HUWE1: variants seen among roughly 807,000 people sequenced by gnomAD.
The protein encoded by HUWE1 is HECT, UBA and WWE domain containing E3 ubiquitin protein ligase 1.
HUWE1 carries 18 observed loss-of-function variants against 299.4 expected under a neutral mutation model. That is an observed-to-expected ratio of 0.06 (90% confidence interval 0.04 to 0.09). The LOEUF (loss-of-function observed/expected upper bound fraction) is 0.09. HUWE1 is among the 10% of genes least tolerant of loss of function. The pLI is 1.00. For synonymous variants in HUWE1, 1,317 were observed against 1,286.1 expected (o/e 1.02, Z -0.51); for missense variants, 1,832 against 3,462.3 (o/e 0.53, Z 11.82).
chrX:53,649,007 G>A (rs2068277061), intron 4 of HUWE1, among the ~76,000 whole-genome samples: 1 of 112,010 alleles, frequency 8.9e-6, no homozygotes, highest in South Asian at 3.7e-4. Context: ...GGGGCTGGGA[G>A]AGAGAAGCCT....
At chrX:53,684,415 G>T (rs1259127386) in intron 2 of HUWE1, among the ~76,000 whole-genome samples, 1 of 112,177 alleles carries the variant, frequency 8.9e-6, no homozygotes, top group South Asian at 3.7e-4. Context: ...CGCCTACCAC[G>T]AGGTTTCCGA....
intron 55 of HUWE1, 134 bp downstream of exon 55, chrX:53,561,622 C>A: frequency 1.1e-6 from 1 of 907,495 alleles, no homozygotes; most frequent in South Asian, 2.2e-5. Flanking sequence ...ATTCAGATAT[C>A]CCTTGCCCCA....
At chrX:53,547,558 C>T in intron 68 of HUWE1, 115 bp downstream of exon 68, 1 of 1,100,209 alleles carries the variant, frequency 9.1e-7, no homozygotes, top group African/African-American at 1.8e-5. Context: ...TCTGTTCTCA[C>T]AAACACAAAC....
In HUWE1 at chrX:53,627,730, T is replaced by C; in HGVS notation, c.1383+9A>G. The C allele has an allele frequency of 8.4e-7, 1 of 1,189,332 alleles. No homozygotes were observed. The highest frequency in any genetic ancestry group is 1.1e-6 in the Non-Finnish European group (1 of 875,532). On this transcript the variant is annotated intron_variant, in intron 16 of 83. Coordinates refer to ENST00000262854, the MANE Select transcript of HUWE1 (RefSeq NM_031407.7). ...AATTCTGTGCAAAGCATTCCTTGTATAATAATACCTCAAGTCTATAAATGA... is the reference window on the plus strand; with the variant it reads ...AATTCTGTGCAAAGCATTCCTTGTACAATAATACCTCAAGTCTATAAATGA...
intron 46 of HUWE1, among the ~76,000 whole-genome samples, chrX:53,574,765 T>C (rs782187567): frequency 5.3e-5 from 6 of 112,161 alleles, no homozygotes; most frequent in Non-Finnish European, 9.4e-5. Flanking sequence ...TTCTAGTTCA[T>C]GGTGAGTAGT....
chrX:53,625,858 C>CGGGGCCGGGGCA (rs1791889093), intron 17 of HUWE1: 1 of 190,956 alleles, frequency 5.2e-6, no homozygotes, highest in African/African-American at 3.1e-5. Context: ...GGGCCAGGGC[C>CGGGGCCGGGGCA]GGGGCCGGGG....
intron 57 of HUWE1, 117 bp downstream of exon 57, chrX:53,559,237 G>A: frequency 1.1e-6 from 1 of 882,409 alleles, no homozygotes; most frequent in Non-Finnish European, 1.7e-6. Flanking sequence ...TCACTGAGTG[G>A]TTCTGGCTCC....
In HUWE1 at chrX:53,588,367, A is replaced by T; in HGVS notation, c.4614+15T>A. 1.7e-6 allele frequency: 2 copies of T among 1,204,623 alleles called. No individual in the cohort carries two copies. Among genetic ancestry groups the T allele is most frequent in the Non-Finnish European group, 2.2e-6 (2 of 891,072 alleles). ...TCATGAATGAATTACAAGGCCCCAA[A>T]GATCTAAATCTTACCTCAAAAAGTA... On this transcript the variant is annotated intron_variant, in intron 37 of 83. Coordinates refer to ENST00000262854, the MANE Select transcript of HUWE1 (RefSeq NM_031407.7).
In HUWE1 at chrX:53,552,888, G is replaced by A; in HGVS notation, c.8500C>T (p.Leu2834Phe). ...ELSPAPTITS[L>F]SPERAEDSDA... is the part of the protein sequence containing the mutation. ...GAATCCTCAGCTCTCTCTGGGGAAA[G>A]TGAGGCTAGGAAGAAGTTGCAGGGA... is the stretch of plus-strand genomic sequence containing the variant. The change falls in exon 62 of 84, where the codon CTT becomes TTT. Residue 2834 changes from leucine to phenylalanine, a missense_variant. By Grantham distance (22) the Leu-to-Phe change is conservative. Transcript: ENST00000262854. 1 of 1,211,679 alleles carries A rather than the reference G, an allele frequency of 8.3e-7. No individual in the cohort carries two copies. Among genetic ancestry groups the A allele is most frequent in the East Asian group, 3.0e-5 (1 of 33,839 alleles).
In HUWE1 at chrX:53,591,090, T is replaced by C. The variant is rs1260894917; in HGVS notation, c.4005A>G (p.Ala1335=). 3 of 1,208,684 alleles carry C rather than the reference T, an allele frequency of 2.5e-6. No homozygotes were observed. The highest frequency in any genetic ancestry group is 3.4e-6 in the Non-Finnish European group (3 of 894,545). The change falls in exon 34 of 84, where the codon GCA becomes GCG. Residue 1335 remains alanine, a synonymous_variant. Coordinates refer to ENST00000262854, the MANE Select transcript of HUWE1 (RefSeq NM_031407.7). Reference sequence around the variant, plus strand: ...TGCTGGTGTTCAACAGTGCCTCCATTGCATGTTCCCTTGTGAAGCCCATGT... The same window carrying C: ...TGCTGGTGTTCAACAGTGCCTCCATCGCATGTTCCCTTGTGAAGCCCATGT... ...LMDMGFTREH[A]MEALLNTSTM...
At chrX:53,647,697 C>T (rs2068148918) in intron 5 of HUWE1, 123 bp from the exon 6 acceptor site, 4 of 564,308 alleles carry the variant, frequency 7.1e-6, no homozygotes, top group Admixed American at 2.4e-5. Flanking sequence ...ACGTCCCACC[C>T]TTGCCCATAT....
chrX:53,655,063 T>C (rs1204382664), intron 3 of HUWE1, among the ~76,000 whole-genome samples: 1 of 111,595 alleles, frequency 9.0e-6, no homozygotes, highest in Non-Finnish European at 1.9e-5. Context: ...GTATAATCCC[T>C]AGATCTTTGA....
chrX:53,584,380 C>T (rs782133604), intron 40 of HUWE1, 35 bp from the exon 41 acceptor site: 12 of 1,142,828 alleles, frequency 1.1e-5, no homozygotes, highest in Non-Finnish European at 1.4e-5. Flanking sequence ...AAAACCTCTA[C>T]CAAAAATGAA....
intron 4 of HUWE1, 150 bp from the exon 5 acceptor site, chrX:53,648,460 T>A: frequency 4.4e-6 from 2 of 449,632 alleles, no homozygotes; most frequent in Non-Finnish European, 7.9e-6. Flanking sequence ...AGACAATCTC[T>A]TGGGATTAAA....
intron 12 of HUWE1, among the ~76,000 whole-genome samples, chrX:53,630,586 T>C (rs1344954051): frequency 3.7e-5 from 4 of 108,926 alleles, no homozygotes; most frequent in South Asian, 8.1e-4. Flanking sequence ...TTCAAGATGA[T>C]ATCCCTGAAA....
In HUWE1 at chrX:53,632,575, A is replaced by T; in HGVS notation, c.568-11T>A. ...ACTGGGTGGATATTTCTGTGTATAA[A>T]GCACATCAAAGAATCAGACATTGAG... On this transcript the variant is annotated splice_polypyrimidine_tract_variant and intron_variant, in intron 8 of 83. Transcript: ENST00000262854. 8 of 1,126,219 alleles carry T rather than the reference A, an allele frequency of 7.1e-6. No homozygotes were observed. Among genetic ancestry groups the T allele is most frequent in the African/African-American group, 1.8e-5 (1 of 56,221 alleles). 92.8% of individuals were successfully genotyped at this position (1,126,219 alleles called of 1,213,427 possible).
chrX:53,629,036 T>C (rs1353027862), intron 13 of HUWE1, 134 bp from the exon 14 acceptor site: 2 of 527,244 alleles, frequency 3.8e-6, no homozygotes, highest in African/African-American at 4.7e-5. Flanking sequence ...GGAGGTCTGT[T>C]GAGAGCAACA....
At position 53,565,295 on chromosome X, in the gene HUWE1, C is replaced by T. The variant is rs1182625687; in HGVS notation, c.6708-56G>A. ...GAGCACAGAAATACTAGGTGTCTATCTTCTAAATGACACTAAGCTTCTTAC... is the reference window on the plus strand; with the variant it reads ...GAGCACAGAAATACTAGGTGTCTATTTTCTAAATGACACTAAGCTTCTTAC... On this transcript the variant is annotated intron_variant, in intron 49 of 83. Transcript: ENST00000262854. 5.9e-6 allele frequency: 6 copies of T among 1,009,710 alleles called. No homozygotes were observed. The South Asian group carries it at 8.2e-5, about 14-fold the overall frequency. The allele number at this position is 1,009,710 out of a possible 1,213,427, so 83.2% of individuals were successfully genotyped here. A position where few individuals can be genotyped will look rare whatever the true frequency, so the allele number is the denominator to read the frequency against.
chrX:53,659,223 T>C (rs1259145906), intron 3 of HUWE1, among the ~76,000 whole-genome samples: 16 of 112,622 alleles, frequency 1.4e-4, no homozygotes, highest in African/African-American at 5.2e-4. Flanking sequence ...TGAAAACTTA[T>C]GTCCACACAA....
Sources: gnomAD v4.1 joint callset for allele counts (sites outside exome capture counted in the v4.1 genomes callset) on GRCh38, gnomAD v4.1.1 for gene constraint, MANE v1.5 for transcripts, NCBI Gene and HGNC (gene_info 2026-07-23, HGNC 2026-07-21) for gene names.